Variants in ZC3H12B observed in about 807,000 individuals in gnomAD.
The protein encoded by ZC3H12B is zinc finger CCCH-type containing 12B, also known as probable ribonuclease ZC3H12B.
Under a neutral mutation model 43.9 loss-of-function variants are expected in ZC3H12B, and 7 were observed. The ratio of observed to expected loss-of-function variants is 0.16; its 90% CI spans 0.09 to 0.30. ZC3H12B has a LOEUF of 0.30. Among genes scored for constraint, ZC3H12B ranks in the 10% least tolerant of loss-of-function variants. ZC3H12B has a pLI of 1.00. For synonymous variants in ZC3H12B, 222 were observed against 241.7 expected, an observed-to-expected ratio of 0.92 and a Z score of 0.76; for missense variants, 475 against 670.2, an observed-to-expected ratio of 0.71 and a Z score of 3.22.
At chrX:65,212,276 A>AATATATTATATAAT in the ZC3H12B span, among the ~76,000 whole-genome samples, 1 of 44,401 alleles carries the variant, frequency 2.3e-5, no homozygotes, top group African/African-American at 1.7e-4. Context: ...TATAATATAT[A>AATATATTATATAAT]ATATAATTAT....
chrX:65,133,235 T>C, the ZC3H12B span, among the ~76,000 whole-genome samples: 9,170 of 111,109 alleles, frequency 0.083, 1,029 homozygotes, highest in African/African-American at 0.29. Context: ...AATACATTGC[T>C]ACTTGGCTGC....
At chrX:65,202,101 TTTATATA>T in the ZC3H12B span, among the ~76,000 whole-genome samples, 6 of 88,817 alleles carry the variant, frequency 6.8e-5, no homozygotes, top group African/African-American at 1.3e-4. Context: ...ATATATATAT[TTTATATA>T]ATATATATTA....
chrX:65,209,429 G>C, the ZC3H12B span, among the ~76,000 whole-genome samples: 2 of 85,460 alleles, frequency 2.3e-5, no homozygotes, highest in East Asian at 7.7e-4. Flanking sequence ...CCTTCATTTC[G>C]TTATGTACCC....
the ZC3H12B span, among the ~76,000 whole-genome samples, chrX:65,281,019 A>G: frequency 9.0e-6 from 1 of 111,633 alleles, no homozygotes. Context: ...TACAAAATAT[A>G]AAAAAGTAAT....
the ZC3H12B span, among the ~76,000 whole-genome samples, chrX:65,360,077 G>A: frequency 6.3e-5 from 7 of 111,843 alleles, no homozygotes; most frequent in Non-Finnish European, 9.4e-5. Flanking sequence ...GCATTTTCAG[G>A]CAAGCAATAA....
the ZC3H12B span, among the ~76,000 whole-genome samples, chrX:65,347,915 C>A: frequency 2.7e-5 from 3 of 112,048 alleles, no homozygotes; most frequent in African/African-American, 9.8e-5. Flanking sequence ...CATAAAAAAA[C>A]GATGAATTCA....
chrX:65,040,372 GT>G, the ZC3H12B span, among the ~76,000 whole-genome samples: 7,692 of 85,440 alleles, frequency 0.09, 813 homozygotes, highest in African/African-American at 0.3. Context: ...ATCATTAACT[GT>G]TTTTTTTTTT....
chrX:65,448,273 A>T (rs1395865006), intron 3 of ZC3H12B, among the ~76,000 whole-genome samples: 3 of 111,262 alleles, frequency 2.7e-5, no homozygotes, highest in Non-Finnish European at 5.7e-5. Flanking sequence ...GTGAAAAGGC[A>T]AAGTTTATGC....
chrX:65,046,077 G>A, the ZC3H12B span, among the ~76,000 whole-genome samples: 1 of 111,522 alleles, frequency 9.0e-6, no homozygotes, highest in Non-Finnish European at 1.9e-5. Flanking sequence ...CATTTATAAA[G>A]CACAGACAGA....
the ZC3H12B span, among the ~76,000 whole-genome samples, chrX:65,065,413 C>T: frequency 8.9e-6 from 1 of 111,810 alleles, no homozygotes; most frequent in Non-Finnish European, 1.9e-5. Flanking sequence ...CTTTGTTTGG[C>T]TGAATATGAA....
intron 3 of ZC3H12B, chrX:65,469,564 A>G: frequency 3.7e-6 from 1 of 271,974 alleles, no homozygotes; most frequent in Admixed American, 5.1e-5. Context: ...CATCTCGCCC[A>G]TTGATGACTT....
the ZC3H12B span, among the ~76,000 whole-genome samples, chrX:65,147,623 A>C: frequency 1.8e-5 from 2 of 111,383 alleles, no homozygotes; most frequent in East Asian, 5.7e-4. Context: ...GTTCTAGGGT[A>C]GGTCTAAAGC....
the ZC3H12B span, among the ~76,000 whole-genome samples, chrX:65,134,904 G>T: frequency 9.0e-6 from 1 of 111,080 alleles, no homozygotes; most frequent in African/African-American, 3.3e-5. Flanking sequence ...TGGCAGGCAG[G>T]GGCGGGAATC....
Position 65,408,316 on chromosome X carries a change from G to T in ZC3H12B, n.407+9612G>T, listed in dbSNP as rs1445085348. On this transcript the variant is annotated intron_variant and non_coding_transcript_variant, in intron 3 of 5. Coordinates refer to the ZC3H12B transcript ENST00000617377. ...GATTAAACATTGAAATGCACAAACA[G>T]ACTGAAATCGCCAAGAGATTGAATA... 2.5e-6 allele frequency: 3 copies of T among 1,196,016 alleles called. No individual in the cohort carries two copies. The African/African-American group carries it at 5.2e-5, about 21-fold the overall frequency.
chrX:65,263,527 A>G, the ZC3H12B span, among the ~76,000 whole-genome samples: 2 of 111,389 alleles, frequency 1.8e-5, no homozygotes, highest in African/African-American at 6.5e-5. Context: ...AGGAAACTGG[A>G]ACATTTACTC....
At chrX:65,175,262 A>G in the ZC3H12B span, among the ~76,000 whole-genome samples, 4 of 111,870 alleles carry the variant, frequency 3.6e-5, no homozygotes. Flanking sequence ...TTGGAGATGT[A>G]GAAATTACCC....
chrX:65,220,556 T>C, the ZC3H12B span, among the ~76,000 whole-genome samples: 1 of 111,929 alleles, frequency 8.9e-6, no homozygotes, highest in Non-Finnish European at 1.9e-5. Context: ...GCTATTCTTA[T>C]ATCAGACAAA....
the ZC3H12B span, among the ~76,000 whole-genome samples, chrX:65,148,262 CG>C: frequency 2.2e-3 from 249 of 111,001 alleles, 2 homozygotes; most frequent in African/African-American, 7.5e-3. Context: ...AAATCTTGGA[CG>C]GGCCTGGAGC....
the ZC3H12B span, among the ~76,000 whole-genome samples, chrX:65,188,358 ATTTTTT>A: frequency 1.3e-5 from 1 of 75,855 alleles, no homozygotes; most frequent in African/African-American, 5.0e-5. Flanking sequence ...TGGTTGCTCT[ATTTTTT>A]TTTTTTTTTT....
Sources: gnomAD v4.1 joint callset for allele counts (sites outside exome capture counted in the v4.1 genomes callset) on GRCh38, gnomAD v4.1.1 for gene constraint, MANE v1.5 for transcripts, NCBI Gene and HGNC (gene_info 2026-07-23, HGNC 2026-07-21) for gene names.